GLT1D1: variants seen among roughly 807,000 people sequenced by gnomAD.
GLT1D1 encodes the protein glycosyltransferase 1 domain containing 1, also known as glycosyltransferase 1 domain-containing protein 1.
Under a neutral mutation model 28.7 loss-of-function variants are expected in GLT1D1, and 21 were observed. The observed-to-expected ratio is 0.73, with a 90% CI of 0.52 to 1.05. The LOEUF is 1.05. Ranked by LOEUF, GLT1D1 falls within the 50% of genes least tolerant of loss-of-function variation. The pLI is 0.00. For synonymous variants in GLT1D1, 147 were observed against 124.8 expected (o/e 1.18, Z -1.19); for missense variants, 343 against 330.6 (o/e 1.04, Z -0.29).
intron 4 of GLT1D1, among the ~76,000 whole-genome samples, chr12:128,941,053 C>A (rs1301339408): frequency 6.6e-6 from 1 of 152,184 alleles, no homozygotes; most frequent in Non-Finnish European, 1.5e-5. Context: ...CCTGCTTTGG[C>A]CATTTCATAG....
intron 2 of GLT1D1, among the ~76,000 whole-genome samples, chr12:128,884,224 G>T (rs1428582954): frequency 2.0e-5 from 3 of 152,150 alleles, no homozygotes; most frequent in Admixed American, 6.6e-5. Flanking sequence ...AATGGAAAAC[G>T]AAGGATATTC....
intron 4 of GLT1D1, among the ~76,000 whole-genome samples, chr12:128,939,739 A>G (rs769500841): frequency 3.9e-5 from 6 of 151,970 alleles, no homozygotes; most frequent in South Asian, 2.1e-4. Context: ...TCAGGAGGAA[A>G]AGCGCGAGGC....
intron 5 of GLT1D1, 32 bp downstream of exon 9, chr12:128,945,401 G>A: frequency 6.3e-7 from 1 of 1,593,424 alleles, no homozygotes; most frequent in African/African-American, 1.3e-5. Context: ...TCATTTTGCA[G>A]AACGGGAAGC....
intron 6 of GLT1D1, among the ~76,000 whole-genome samples, chr12:128,949,967 C>T (rs1452367152): frequency 2.0e-5 from 3 of 152,206 alleles, no homozygotes; most frequent in African/African-American, 7.2e-5. Context: ...CTTCCAGACT[C>T]CAGCCCTAGT....
intron 3 of GLT1D1, among the ~76,000 whole-genome samples, chr12:128,890,317 A>G (rs1386392001): frequency 1.1e-4 from 17 of 152,192 alleles, no homozygotes; most frequent in Admixed American, 1.1e-3. Flanking sequence ...AGAATTGCTG[A>G]TAAAGGCCCA....
intron 5 of GLT1D1, among the ~76,000 whole-genome samples, chr12:128,946,625 G>C (rs12811006): frequency 5.9e-5 from 8 of 134,498 alleles, no homozygotes; most frequent in African/African-American, 8.4e-5. Context: ...GAGCCACTGC[G>C]CCCGGCCTCC....
At position 128,904,623 on chromosome 12, in the gene GLT1D1, C is replaced by CTTTTT. The variant is rs59189244; in HGVS notation, c.375+5360_375+5364dup. On this transcript the variant is annotated intron_variant, in intron 4 of 7. Coordinates refer to ENST00000281703, the MANE Select transcript of GLT1D1 (RefSeq NM_144669.3). The stretch of plus-strand genomic sequence containing the variant: ...GTGATGGTTAAAGCATGAAAACAGT[C>CTTTTT]TTTTTTTTTTTTTTTTTTTTTTTTT... Among the ~76,000 whole-genome samples, 98 of 139,278 alleles carry CTTTTT rather than the reference C, an allele frequency of 7.0e-4. 4 individuals are homozygous for CTTTTT. Among genetic ancestry groups the CTTTTT allele is most frequent in the African/African-American group, 1.2e-3 (40 of 32,788 alleles). 91.4% of individuals were successfully genotyped at this position (139,278 alleles called of 152,430 possible). A position where few individuals can be genotyped will look rare whatever the true frequency, so the allele number is the denominator to read the frequency against.
intron 4 of GLT1D1, among the ~76,000 whole-genome samples, chr12:128,937,285 C>T (rs1345413898): frequency 6.6e-6 from 1 of 152,088 alleles, no homozygotes; most frequent in East Asian, 1.9e-4. Flanking sequence ...CAAAAGGCAT[C>T]AGAAATGGGA....
chr12:128,965,710 TAAAAAAAAA>T (rs757636287), intron 7 of GLT1D1, among the ~76,000 whole-genome samples: 4 of 104,728 alleles, frequency 3.8e-5, no homozygotes, highest in Admixed American at 2.4e-4. Context: ...TGTCTCTGCT[TAAAAAAAAA>T]AAAAAAAAAA....
At chr12:128,959,603 C>T (rs1309899360) in intron 7 of GLT1D1, among the ~76,000 whole-genome samples, 1 of 152,096 alleles carries the variant, frequency 6.6e-6, no homozygotes, top group African/African-American at 2.4e-5. Flanking sequence ...AGGAGTTTCT[C>T]TGTTATTGTC....
At position 128,874,122 on chromosome 12, in the gene GLT1D1, CTCTCTTTCTTTCTTTCTTTCTT is replaced by C. The variant is rs1393171638; in HGVS notation, c.69-1788_69-1767del. On this transcript the variant is annotated intron_variant, in intron 1 of 7. Transcript: ENST00000281703. ...TTTCTCTCTCTCTCTCTCTCTCTCT[CTCTCTTTCTTTCTTTCTTTCTT>C]TCTTTCTTTCTTTCTTTCTTTCTTT... Among the ~76,000 whole-genome samples the C allele has an allele frequency of 6.0e-3, 353 of 58,800 alleles. 2 individuals carry two copies. Among genetic ancestry groups the C allele is most frequent in the South Asian group, 0.013 (12 of 910 alleles). 38.6% of individuals were successfully genotyped at this position (58,800 alleles called of 152,430 possible).
chr12:128,891,401 C>A (rs926376225), intron 3 of GLT1D1, among the ~76,000 whole-genome samples: 3 of 152,136 alleles, frequency 2.0e-5, no homozygotes, highest in Non-Finnish European at 4.4e-5. Flanking sequence ...CTAGAATAAC[C>A]CTGAAACCAC....
intron 2 of GLT1D1, among the ~76,000 whole-genome samples, chr12:128,876,279 A>G (rs532023721): frequency 2.6e-5 from 4 of 152,152 alleles, no homozygotes; most frequent in Non-Finnish European, 4.4e-5. Flanking sequence ...TTACCATATT[A>G]AAAGTATCAT....
At chr12:128,920,287 C>T (rs1457189304) in intron 4 of GLT1D1, among the ~76,000 whole-genome samples, 1 of 152,182 alleles carries the variant, frequency 6.6e-6, no homozygotes, top group African/African-American at 2.4e-5. Flanking sequence ...TGGCTCACGC[C>T]TGTAATCCCA....
chr12:128,897,394 T>C (rs550678715), intron 3 of GLT1D1, among the ~76,000 whole-genome samples: 1 of 152,294 alleles, frequency 6.6e-6, no homozygotes, highest in East Asian at 1.9e-4. Flanking sequence ...TAATCAAAGC[T>C]TTTTTATCTT....
At chr12:128,890,787 TCAGGAGTTCGAGAC>T (rs1366848129) in intron 3 of GLT1D1, among the ~76,000 whole-genome samples, 1 of 152,040 alleles carries the variant, frequency 6.6e-6, no homozygotes, top group African/African-American at 2.4e-5. Flanking sequence ...TCACCTGAGG[TCAGGAGTTCGAGAC>T]CAGCCTGGAC....
intron 2 of GLT1D1, among the ~76,000 whole-genome samples, chr12:128,881,561 A>AAAATATATAT (rs1555262848): frequency 5.9e-5 from 2 of 33,722 alleles, no homozygotes; most frequent in African/African-American, 1.1e-4. Context: ...AAAAAAAAAA[A>AAAATATATAT]ATATATATAT....
At chr12:128,960,085 C>T (rs937358724) in intron 7 of GLT1D1, among the ~76,000 whole-genome samples, 1 of 152,122 alleles carries the variant, frequency 6.6e-6, no homozygotes, top group Non-Finnish European at 1.5e-5. Context: ...TGCGAGTTAC[C>T]GGCTTCCTGT....
At chr12:128,876,919 C>T (rs1956882921) in intron 2 of GLT1D1, among the ~76,000 whole-genome samples, 1 of 152,270 alleles carries the variant, frequency 6.6e-6, no homozygotes, top group Non-Finnish European at 1.5e-5. Context: ...TGACACAAAG[C>T]TACAAATGGC....
Sources: allele counts gnomAD v4.1 joint callset (sites outside exome capture counted in the v4.1 genomes callset), GRCh38; gene constraint gnomAD v4.1.1; transcripts MANE v1.5; gene names NCBI Gene and HGNC (gene_info 2026-07-23, HGNC 2026-07-21).